ADAMTS16: variants seen among roughly 807,000 people sequenced by gnomAD.
ADAMTS16 encodes ADAM metallopeptidase with thrombospondin type 1 motif 16, also known as A disintegrin and metalloproteinase with thrombospondin motifs 16.
Under a neutral mutation model 145.8 loss-of-function variants are expected in ADAMTS16, and 94 were observed. The observed-to-expected ratio is 0.64, with a 90% CI of 0.55 to 0.77. ADAMTS16 has a LOEUF of 0.77. Ranked by LOEUF, ADAMTS16 falls within the 30% of genes least tolerant of loss-of-function variation. The pLI is 0.00. For synonymous variants in ADAMTS16, 659 were observed against 604.3 expected (o/e 1.09, Z -1.33); for missense variants, 1,585 against 1,591.5 (o/e 1.00, Z 0.07).
At chr5:5,207,566 T>C (rs529285443) in intron 9 of ADAMTS16, among the ~76,000 whole-genome samples, 3 of 152,172 alleles carry the variant, frequency 2.0e-5, no homozygotes, top group African/African-American at 7.2e-5. Context: ...GCACTTCCAA[T>C]ACAATGTTGA....
At chr5:5,141,449 G>T (rs1734167769) in intron 2 of ADAMTS16, among the ~76,000 whole-genome samples, 1 of 152,164 alleles carries the variant, frequency 6.6e-6, no homozygotes, top group Non-Finnish European at 1.5e-5. Flanking sequence ...CTGTCTTATG[G>T]AAAGGGATCT....
chr5:5,240,019 T>C, intron 16 of ADAMTS16, 94 bp downstream of exon 16: 1 of 1,524,256 alleles, frequency 6.6e-7, no homozygotes, highest in Non-Finnish European at 8.8e-7. Context: ...TTAAGAAGAA[T>C]GTAAACAGTT....
At chr5:5,272,050 T>C (rs1177846639) in intron 18 of ADAMTS16, among the ~76,000 whole-genome samples, 1 of 152,154 alleles carries the variant, frequency 6.6e-6, no homozygotes, top group African/African-American at 2.4e-5. Context: ...AATTTCCTTT[T>C]CTGTAGTTGC....
At chr5:5,148,305 C>T (rs1384228077) in intron 3 of ADAMTS16, among the ~76,000 whole-genome samples, 1 of 152,146 alleles carries the variant, frequency 6.6e-6, no homozygotes, top group Non-Finnish European at 1.5e-5. Context: ...AAATCAAAGG[C>T]ATTTGAAAGA....
At chr5:5,159,279 T>C (rs1056795510) in intron 3 of ADAMTS16, among the ~76,000 whole-genome samples, 1 of 152,182 alleles carries the variant, frequency 6.6e-6, no homozygotes, top group African/African-American at 2.4e-5. Flanking sequence ...ATGGAAAATA[T>C]GATGGAAAAA....
chr5:5,274,306 T>C (rs1016574871), intron 18 of ADAMTS16, among the ~76,000 whole-genome samples: 5 of 152,204 alleles, frequency 3.3e-5, no homozygotes, highest in Non-Finnish European at 7.3e-5. Context: ...TCCACCATGA[T>C]AGTATAATAT....
intron 3 of ADAMTS16, among the ~76,000 whole-genome samples, chr5:5,174,408 G>C (rs1480734897): frequency 6.6e-6 from 1 of 151,406 alleles, no homozygotes; most frequent in Non-Finnish European, 1.5e-5. Flanking sequence ...TTGGGAGTTT[G>C]TTTATTAAGT....
chr5:5,182,065 G>A lies in ADAMTS16; in HGVS notation c.523G>A (p.Glu175Lys). ...CCAGTCAGGCATGATACGAACAGAA[G>A]AGGCAGATTACTTCCTAAGGCCACT... ...QGLSGMIRTE[E>K]ADYFLRPLPS... Residue 175 changes from glutamate to lysine, a missense_variant, in exon 4 of 23, where the codon GAG becomes AAG. By Grantham distance (56) the Glu-to-Lys change is moderately conservative. Around this residue, in one of 3 missense-constraint regions of ADAMTS16, gnomAD observed 453 missense variants for 412.1 expected, o/e 1.10. Coordinates refer to ENST00000274181, the MANE Select transcript of ADAMTS16 (RefSeq NM_139056.4). The A allele has an allele frequency of 6.2e-7, 1 of 1,612,200 alleles. No homozygotes were observed. Among genetic ancestry groups the A allele is most frequent in the Non-Finnish European group, 8.5e-7 (1 of 1,179,352 alleles).
At chr5:5,256,598 A>T (rs1400107889) in intron 17 of ADAMTS16, among the ~76,000 whole-genome samples, 3 of 152,206 alleles carry the variant, frequency 2.0e-5, no homozygotes, top group Non-Finnish European at 1.5e-5. Flanking sequence ...AGCTAAACAA[A>T]TGTCTCCAAT....
chr5:5,150,630 G>A (rs1236752643), intron 3 of ADAMTS16, among the ~76,000 whole-genome samples: 1 of 152,208 alleles, frequency 6.6e-6, no homozygotes, highest in Non-Finnish European at 1.5e-5. Context: ...GGCAGGGACT[G>A]CAACAGAGTC....
At chr5:5,181,305 C>T (rs1735331644) in intron 3 of ADAMTS16, among the ~76,000 whole-genome samples, 1 of 152,150 alleles carries the variant, frequency 6.6e-6, no homozygotes, top group African/African-American at 2.4e-5. Context: ...AGATTGCCTG[C>T]TTGTCCTCAT....
chr5:5,145,690 A>G (rs542897275), intron 2 of ADAMTS16, among the ~76,000 whole-genome samples: 1 of 152,376 alleles, frequency 6.6e-6, no homozygotes, highest in Middle Eastern at 3.4e-3. Context: ...ATCTGAGAAT[A>G]ATTTGATTTC....
chr5:5,271,996 C>T (rs1159966387), intron 18 of ADAMTS16, among the ~76,000 whole-genome samples: 1 of 152,170 alleles, frequency 6.6e-6, no homozygotes, highest in African/African-American at 2.4e-5. Flanking sequence ...AGCTTTATTT[C>T]CACTGCTCTC....
intron 3 of ADAMTS16, among the ~76,000 whole-genome samples, chr5:5,172,121 ATTT>A (rs1215388414): frequency 6.6e-6 from 1 of 151,872 alleles, no homozygotes; most frequent in Non-Finnish European, 1.5e-5. Flanking sequence ...CTCTAATCTT[ATTT>A]ATTTGGGTCT....
intron 3 of ADAMTS16, among the ~76,000 whole-genome samples, chr5:5,169,576 G>A (rs1437243612): frequency 6.6e-6 from 1 of 152,174 alleles, no homozygotes; most frequent in Non-Finnish European, 1.5e-5. Flanking sequence ...ATCTGACAGA[G>A]CCATTAGTGA....
chr5:5,249,768 C>T (rs993251520), intron 17 of ADAMTS16, among the ~76,000 whole-genome samples: 6 of 152,226 alleles, frequency 3.9e-5, no homozygotes, highest in Admixed American at 2.0e-4. Context: ...CTTTTACACC[C>T]TGCCCTCTTG....
rs1734212225 is a variant in ADAMTS16 at position 5,319,732 on chromosome 5, C to G, written c.*594C>G. Reference sequence around the variant, plus strand: ...GAGCCACCGCCGGAGCCAGCGTCATCTCTAGGGTCACTGGCCAGGGGACTG... The same window carrying G: ...GAGCCACCGCCGGAGCCAGCGTCATGTCTAGGGTCACTGGCCAGGGGACTG... On this transcript the variant is annotated 3_prime_UTR_variant, in exon 23 of 23. Transcript: ENST00000274181. The G allele has an allele frequency of 2.6e-6, 1 of 391,696 alleles. No individual in the cohort carries two copies. Among genetic ancestry groups the G allele is most frequent in the African/African-American group, 2.1e-5 (1 of 47,380 alleles). The allele number at this position is 391,696 out of a possible 1,614,324, so 24.3% of individuals were successfully genotyped here.
At chr5:5,197,101 T>A (rs16875009) in intron 8 of ADAMTS16, among the ~76,000 whole-genome samples, 20,680 of 152,200 alleles carry the variant, frequency 0.14, 1,491 homozygotes, top group Middle Eastern at 0.22. Context: ...GTCGCCATCA[T>A]TATGCCAAAG....
Position 5,303,489 on chromosome 5 carries a change from C to T in ADAMTS16, c.2991+20C>T, listed in dbSNP as rs1419827630. ...GCAGAGGTAACCAGGGTGGGGTTGG[C>T]ATGGGTGGCAGCAGGGCCCCTGCAT... On this transcript the variant is annotated intron_variant, in intron 19 of 22. Coordinates refer to ENST00000274181, the MANE Select transcript of ADAMTS16 (RefSeq NM_139056.4). 1 of 1,607,708 alleles carries T rather than the reference C, an allele frequency of 6.2e-7. No homozygotes were observed. The highest frequency in any genetic ancestry group is 8.5e-7 in the Non-Finnish European group (1 of 1,175,598).
Sources: allele counts gnomAD v4.1 joint callset (sites outside exome capture counted in the v4.1 genomes callset), GRCh38; gene constraint gnomAD v4.1.1; regional missense constraint gnomAD v4.1.1; transcripts MANE v1.5; gene names NCBI Gene and HGNC (gene_info 2026-07-23, HGNC 2026-07-21).